Variants in DIPK2B observed in about 807,000 individuals in gnomAD.
The protein encoded by DIPK2B is divergent protein kinase domain 2B.
A neutral mutation model predicts 22.2 loss-of-function variants in DIPK2B; 15 were observed. The ratio of observed to expected loss-of-function variants is 0.68; its 90% CI spans 0.45 to 1.04. The LOEUF (loss-of-function observed/expected upper bound fraction) is 1.04, where lower values mean the gene tolerates loss of function less well. DIPK2B is among the 50% of genes least tolerant of loss of function. DIPK2B has a pLI of 0.00. For missense variants in DIPK2B, 345 were observed against 348.3 expected, an observed-to-expected ratio of 0.99 and a Z score of 0.08; for synonymous variants, 163 against 153.2, an observed-to-expected ratio of 1.06 and a Z score of -0.47.
At chrX:45,168,708 C>A (rs772856261) in intron 2 of DIPK2B, among the ~76,000 whole-genome samples, 171 of 112,141 alleles carry the variant, frequency 1.5e-3, no homozygotes, top group African/African-American at 5.4e-3. Flanking sequence ...TGTTTCCCAG[C>A]GCCTCCCGCA....
chrX:45,157,948 G>A, intron 2 of DIPK2B, 60 bp from the exon 3 acceptor site: 2 of 890,871 alleles, frequency 2.2e-6, no homozygotes, highest in South Asian at 4.1e-5. Context: ...GCTCTTGTGG[G>A]GGGTTAGCAG....
Position 45,157,806 on chromosome X carries a change from G to A in DIPK2B, c.581C>T (p.Ala194Val), listed in dbSNP as rs769990784. 21 of 1,179,043 alleles carry A rather than the reference G, an allele frequency of 1.8e-5. No homozygotes were observed. The highest frequency in any genetic ancestry group is 1.5e-5 in the Non-Finnish European group (13 of 880,820). ...GAAGTGGTCCATGAAGATGCTGCCGGCGTCGGCCACCTCTGCATAGCGCCT... is the reference window on the plus strand; with the variant it reads ...GAAGTGGTCCATGAAGATGCTGCCGACGTCGGCCACCTCTGCATAGCGCCT... ...VVRRYAEVAD[A>V]GSIFMDHFTD... Residue 194 changes from alanine to valine, a missense_variant, in exon 3 of 5, where the codon GCC becomes GTC. Coordinates refer to ENST00000398000, the MANE Select transcript of DIPK2B (RefSeq NM_176819.4).
chrX:45,176,397 T>C (rs2047118480), intron 2 of DIPK2B, among the ~76,000 whole-genome samples: 1 of 112,067 alleles, frequency 8.9e-6, no homozygotes, highest in Non-Finnish European at 1.9e-5. Flanking sequence ...AAGGTAGTTA[T>C]ATTTGTTGGT....
chrX:45,155,961 C>CTTTTT (rs757375184), intron 3 of DIPK2B, among the ~76,000 whole-genome samples: 1,091 of 55,216 alleles, frequency 0.02, 89 homozygotes, highest in Non-Finnish European at 0.022. Flanking sequence ...AAGGGGACCT[C>CTTTTT]TTTTTTTTTT....
In DIPK2B at chrX:45,148,444, T is replaced by C. The variant is rs1454734038; in HGVS notation, c.*3208A>G. ...TGGTACAGGAAGTGTGGGGCTGGCATCTGCTTCTGGTAAGGGCTTCAGGAA... is the reference window on the plus strand; with the variant it reads ...TGGTACAGGAAGTGTGGGGCTGGCACCTGCTTCTGGTAAGGGCTTCAGGAA... On this transcript the variant is annotated 3_prime_UTR_variant, in exon 5 of 5. Coordinates refer to ENST00000398000, the MANE Select transcript of DIPK2B (RefSeq NM_176819.4). The C allele has an allele frequency of 9.0e-6, 1 of 111,179 alleles. No homozygotes were observed. Among genetic ancestry groups the C allele is most frequent in the Non-Finnish European group, 1.9e-5 (1 of 53,056 alleles). 9.2% of individuals were successfully genotyped at this position (111,179 alleles called of 1,213,427 possible). A position where few individuals can be genotyped will look rare whatever the true frequency, so the allele number is the denominator to read the frequency against.
chrX:45,197,382 C>T (rs1476597059), intron 1 of DIPK2B, among the ~76,000 whole-genome samples: 1 of 111,281 alleles, frequency 9.0e-6, no homozygotes, highest in African/African-American at 3.3e-5. Flanking sequence ...GGACTATAGG[C>T]GTGCGCCGCC....
chrX:45,155,430 A>AT lies in DIPK2B; in HGVS notation c.673-1233_673-1232insA, dbSNP rs1303967464. Among the ~76,000 whole-genome samples, 668 of 83,414 alleles carry AT rather than the reference A, an allele frequency of 8.0e-3. 4 individuals are homozygous for AT. The highest frequency in any genetic ancestry group is 0.011 in the Non-Finnish European group (475 of 43,048). The allele number at this position is 83,414 out of a possible 115,157, so 72.4% of individuals were successfully genotyped here. On this transcript the variant is annotated intron_variant, in intron 3 of 4. Coordinates refer to ENST00000398000, the MANE Select transcript of DIPK2B (RefSeq NM_176819.4). ...AGAGCGTGACTCTGTCTCAAAAAAA[A>AT]AATATATATATATATATATATTTAT...
chrX:45,196,702 C>A (rs761471066), intron 1 of DIPK2B, among the ~76,000 whole-genome samples: 1 of 110,666 alleles, frequency 9.0e-6, no homozygotes, highest in African/African-American at 3.3e-5. Flanking sequence ...ACTCTCCACC[C>A]CCACACCCTG....
chrX:45,164,859 C>A (rs1163299783), intron 2 of DIPK2B, among the ~76,000 whole-genome samples: 9 of 111,714 alleles, frequency 8.1e-5, no homozygotes, highest in Non-Finnish European at 1.7e-4. Flanking sequence ...GTCACTTGAG[C>A]CCAGGAGTTC....
At chrX:45,195,028 G>A (rs1258490413) in intron 1 of DIPK2B, among the ~76,000 whole-genome samples, 2 of 112,473 alleles carry the variant, frequency 1.8e-5, no homozygotes, top group African/African-American at 6.5e-5. Flanking sequence ...ATTCCATAAG[G>A]ACTAATTGAG....
chrX:45,163,734 T>C (rs2148336804), intron 2 of DIPK2B: 1 of 757,579 alleles, frequency 1.3e-6, no homozygotes, highest in Non-Finnish European at 1.6e-6. Flanking sequence ...AGTTCATCCA[T>C]CACTAGGGCA....
intron 1 of DIPK2B, among the ~76,000 whole-genome samples, chrX:45,196,040 A>C (rs1254212400): frequency 8.9e-6 from 1 of 112,566 alleles, no homozygotes; most frequent in African/African-American, 3.2e-5. Flanking sequence ...CCACTGATTT[A>C]CTTCTTTGTC....
At chrX:45,175,842 T>C (rs2047115195) in intron 2 of DIPK2B, among the ~76,000 whole-genome samples, 1 of 106,592 alleles carries the variant, frequency 9.4e-6, no homozygotes, top group African/African-American at 3.4e-5. Context: ...AACGATCCAT[T>C]TTTTGGGAGG....
chrX:45,185,436 T>TTTGTA lies in DIPK2B; in HGVS notation c.498+6310_498+6314dup, dbSNP rs1876281412. 2.7e-5 allele frequency among the ~76,000 whole-genome samples: 3 copies of TTTGTA among 110,730 alleles called. No individual in the cohort carries two copies. In the Admixed American group the frequency reaches 2.9e-4, roughly 11 times the overall value. On this transcript the variant is annotated intron_variant, in intron 2 of 4. Transcript: ENST00000398000. ...AAAGCCCTGTAAAAGCAAAGCTTGC[T>TTTGTA]TTGTATTGTTTGTTCTGATGATTAT... is the stretch of plus-strand genomic sequence containing the variant.
At chrX:45,152,536 C>G (rs969656147) in intron 4 of DIPK2B, among the ~76,000 whole-genome samples, 2 of 111,483 alleles carry the variant, frequency 1.8e-5, no homozygotes, top group African/African-American at 6.5e-5. Flanking sequence ...AGAAGTTAGG[C>G]TGATAATTGT....
chrX:45,175,160 C>T (rs750755573), intron 2 of DIPK2B, among the ~76,000 whole-genome samples: 2 of 111,453 alleles, frequency 1.8e-5, no homozygotes, highest in East Asian at 2.8e-4. Context: ...TGAAGCATGC[C>T]GGGTCCATAG....
chrX:45,180,038 C>A (rs1474324969), intron 2 of DIPK2B, among the ~76,000 whole-genome samples: 2 of 109,763 alleles, frequency 1.8e-5, no homozygotes, highest in Non-Finnish European at 3.8e-5. Context: ...TGAGCAAGTC[C>A]CCCCACAGCT....
chrX:45,170,508 G>C, intron 2 of DIPK2B, among the ~76,000 whole-genome samples: 1 of 112,605 alleles, frequency 8.9e-6, no homozygotes, highest in Non-Finnish European at 1.9e-5. Flanking sequence ...GACTTGGCCA[G>C]TGTGAATTGG....
chrX:45,188,011 C>T (rs2047193022), intron 2 of DIPK2B, among the ~76,000 whole-genome samples: 1 of 111,528 alleles, frequency 9.0e-6, no homozygotes, highest in South Asian at 3.7e-4. Flanking sequence ...AGGATACTGG[C>T]CTGACAGGTA....
Sources: allele counts gnomAD v4.1 joint callset (sites outside exome capture counted in the v4.1 genomes callset), GRCh38; gene constraint gnomAD v4.1.1; transcripts MANE v1.5; gene names NCBI Gene and HGNC (gene_info 2026-07-23, HGNC 2026-07-21).